ZMAT4: variants seen among roughly 807,000 people sequenced by gnomAD.
ZMAT4 encodes zinc finger matrin-type protein 4.
A neutral mutation model predicts 28.7 loss-of-function variants in ZMAT4; 17 were observed. That is an observed-to-expected ratio of 0.59 (90% CI 0.41 to 0.89). ZMAT4 has a LOEUF of 0.89. ZMAT4 is among the 40% of genes least tolerant of loss of function. ZMAT4 has a pLI of 0.00. For synonymous variants in ZMAT4, 117 were observed against 109.2 expected, an observed-to-expected ratio of 1.07 and a Z score of -0.44; for missense variants, 240 against 283.8, an observed-to-expected ratio of 0.85 and a Z score of 1.11.
At chr8:40,871,323 C>T (rs1388250312) in intron 1 of ZMAT4, among the ~76,000 whole-genome samples, 1 of 152,224 alleles carries the variant, frequency 6.6e-6, no homozygotes, top group Non-Finnish European at 1.5e-5. Flanking sequence ...TCACCTTCCC[C>T]TCCTCTCCCT....
intron 6 of ZMAT4, among the ~76,000 whole-genome samples, chr8:40,535,667 CA>C (rs35203408): frequency 0.83 from 117,070 of 140,738 alleles, 48,432 homozygotes; most frequent in Admixed American, 0.87. Context: ...GACTCTGTCT[CA>C]AAAAAAAAAA....
chr8:40,704,651 C>T (rs1298238171), intron 3 of ZMAT4, among the ~76,000 whole-genome samples: 1 of 152,224 alleles, frequency 6.6e-6, no homozygotes, highest in Non-Finnish European at 1.5e-5. Context: ...CAGTGCCTGA[C>T]ACAGGTCTGG....
intron 1 of ZMAT4, among the ~76,000 whole-genome samples, chr8:40,881,540 AAG>A (rs1235315719): frequency 4.6e-5 from 2 of 43,550 alleles, no homozygotes; most frequent in East Asian, 6.1e-4. Context: ...GAAAGAAAGA[AAG>A]AAAGAAAGAA....
intron 1 of ZMAT4, among the ~76,000 whole-genome samples, chr8:40,827,548 C>G (rs1816110389): frequency 6.6e-6 from 1 of 152,216 alleles, no homozygotes; most frequent in Admixed American, 6.5e-5. Flanking sequence ...ACGTTCTGTC[C>G]TTGGCCCTGG....
At chr8:40,786,242 T>A (rs552319590) in intron 2 of ZMAT4, among the ~76,000 whole-genome samples, 19 of 152,304 alleles carry the variant, frequency 1.2e-4, no homozygotes, top group African/African-American at 4.3e-4. Flanking sequence ...CTTACTCCTC[T>A]CTGCTGAGAG....
chr8:40,766,637 T>C (rs1342806556), intron 3 of ZMAT4, among the ~76,000 whole-genome samples: 1 of 152,246 alleles, frequency 6.6e-6, no homozygotes. Flanking sequence ...GATTAGTCTG[T>C]GTATGAACAG....
chr8:40,734,553 A>C (rs963180605), intron 3 of ZMAT4, among the ~76,000 whole-genome samples: 1 of 152,180 alleles, frequency 6.6e-6, no homozygotes, highest in Non-Finnish European at 1.5e-5. Flanking sequence ...AGAGAGAGAG[A>C]GTAGAAGTAG....
At chr8:40,820,288 G>T (rs1815708624) in intron 2 of ZMAT4, among the ~76,000 whole-genome samples, 1 of 151,134 alleles carries the variant, frequency 6.6e-6, no homozygotes, top group Non-Finnish European at 1.5e-5. Flanking sequence ...GTGTATTTAT[G>T]TGTGTATGTG....
chr8:40,621,139 G>C (rs114732084), intron 5 of ZMAT4, among the ~76,000 whole-genome samples: 152 of 152,316 alleles, frequency 1.0e-3, no homozygotes, highest in African/African-American at 3.5e-3. Context: ...GAACACTGTA[G>C]TTAAAATCTC....
intron 1 of ZMAT4, among the ~76,000 whole-genome samples, chr8:40,881,512 A>AG (rs1289704040): frequency 7.7e-6 from 1 of 129,852 alleles, no homozygotes; most frequent in Non-Finnish European, 1.6e-5. Context: ...GAAGGAAGGA[A>AG]GGGGAGAGAG....
At position 40,656,226 on chromosome 8, in the gene ZMAT4, A is replaced by G. The variant is rs190747575; in HGVS notation, c.577+18478T>C. On this transcript the variant is annotated intron_variant, in intron 5 of 6. Transcript: ENST00000297737. ...CAATCTCATTAGCCATCAGGAAAAA[A>G]GTAAATCAAAGCCACAGTGACTTAC... Among the ~76,000 whole-genome samples, 10 of 152,284 alleles carry G rather than the reference A, an allele frequency of 6.6e-5. No individual in the cohort carries two copies. In the East Asian group the frequency reaches 1.9e-3, roughly 29 times the overall value.
chr8:40,610,359 A>T (rs1327229402), intron 5 of ZMAT4, among the ~76,000 whole-genome samples: 1 of 152,212 alleles, frequency 6.6e-6, no homozygotes, highest in Non-Finnish European at 1.5e-5. Context: ...CAAGCATATC[A>T]TGCCTTAGGT....
chr8:40,546,713 C>A (rs949833326), intron 6 of ZMAT4, among the ~76,000 whole-genome samples: 1 of 152,082 alleles, frequency 6.6e-6, no homozygotes, highest in Non-Finnish European at 1.5e-5. Flanking sequence ...TGGTGACAGA[C>A]ACAGAAAGGG....
intron 6 of ZMAT4, among the ~76,000 whole-genome samples, chr8:40,549,465 C>G (rs1803301653): frequency 6.6e-6 from 1 of 152,144 alleles, no homozygotes; most frequent in Non-Finnish European, 1.5e-5. Flanking sequence ...AAATGCTTCA[C>G]TGTCCAAATC....
intron 6 of ZMAT4, among the ~76,000 whole-genome samples, chr8:40,543,930 T>C (rs929762137): frequency 2.6e-5 from 4 of 152,242 alleles, no homozygotes; most frequent in East Asian, 1.9e-4. Context: ...GAATTTAATA[T>C]ATTGAAGCTA....
intron 1 of ZMAT4, among the ~76,000 whole-genome samples, chr8:40,847,356 G>A (rs1816945996): frequency 6.6e-6 from 1 of 152,198 alleles, no homozygotes. Flanking sequence ...TAAACAACGT[G>A]TTACCCAGGA....
rs181096849 is a variant in ZMAT4 at position 40,600,472 on chromosome 8, C to G, written c.578-19211G>C. 1.7e-4 allele frequency among the ~76,000 whole-genome samples: 26 copies of G among 152,322 alleles called. No individual in the cohort carries two copies. In the East Asian group the frequency reaches 5.0e-3, roughly 29 times the overall value. On this transcript the variant is annotated intron_variant, in intron 5 of 6. Transcript: ENST00000297737. The stretch of plus-strand genomic sequence containing the variant: ...CCTGCCTGGATTCCAGCCCACATAG[C>G]CTTCTTACTCCTTCTCTGCTGAGCC...
chr8:40,684,694 A>G (rs1451891234), intron 4 of ZMAT4, among the ~76,000 whole-genome samples: 1 of 152,254 alleles, frequency 6.6e-6, no homozygotes, highest in African/African-American at 2.4e-5. Flanking sequence ...AGAGAATTCA[A>G]AGATGAGGAA....
At chr8:40,609,408 G>C (rs1378340363) in intron 5 of ZMAT4, among the ~76,000 whole-genome samples, 2 of 152,078 alleles carry the variant, frequency 1.3e-5, no homozygotes, top group Non-Finnish European at 2.9e-5. Flanking sequence ...GACTTCAAAA[G>C]CAGGCTCCCT....
Sources: gnomAD v4.1 joint callset for allele counts (sites outside exome capture counted in the v4.1 genomes callset) on GRCh38, gnomAD v4.1.1 for gene constraint, MANE v1.5 for transcripts, NCBI Gene and HGNC (gene_info 2026-07-23, HGNC 2026-07-21) for gene names.